ACLY: variants seen among roughly 807,000 people sequenced by gnomAD.
The protein encoded by ACLY is ATP citrate lyase.
A neutral mutation model predicts 133.0 loss-of-function variants in ACLY; 41 were observed. The ratio of observed to expected loss-of-function variants is 0.31; its 90% confidence interval spans 0.24 to 0.40. ACLY has a LOEUF of 0.40. Ranked by LOEUF, ACLY falls within the 10% of genes least tolerant of loss-of-function variation. The probability of loss-of-function intolerance (pLI) is 1.00; values close to 1 mark genes in which losing one functional copy is unlikely to be tolerated. For synonymous variants in ACLY, 495 were observed against 549.3 expected (o/e 0.90, Z 1.38); for missense variants, 1,046 against 1,453.8 (o/e 0.72, Z 4.56).
At chr17:41,921,217 G>A (rs2050178293), upstream of ACLY, among the ~76,000 whole-genome samples, 1 of 152,066 alleles carries the variant, frequency 6.6e-6, no homozygotes, top group Non-Finnish European at 1.5e-5. Context: ...AGAATTGCTT[G>A]AACCCAGGAG....
chr17:41,886,104 CTGAT>C lies in ACLY; in HGVS notation c.2072+4_2072+7del. On this transcript the variant is annotated splice_donor_5th_base_variant and intron_variant, in intron 18 of 28. Transcript: ENST00000352035. ...AGGAAGCCCCTCCTTGGCTTCCCAG[CTGAT>C]TACCTGTCCCCACCAATGGCCACGC... is the stretch of plus-strand genomic sequence containing the variant. 6.2e-7 allele frequency: 1 copy of C among 1,607,786 alleles called. No homozygotes were observed. Among genetic ancestry groups the C allele is most frequent in the Non-Finnish European group, 8.5e-7 (1 of 1,174,992 alleles).
At position 41,871,761 on chromosome 17, in the gene ACLY, G is replaced by A. The variant is rs2048603773; in HGVS notation, c.2865C>T (p.Ile955=). 3 of 1,614,060 alleles carry A rather than the reference G, an allele frequency of 1.9e-6. No homozygotes were observed. The highest frequency in any genetic ancestry group is 2.5e-6 in the Non-Finnish European group (3 of 1,179,952). The change falls in exon 25 of 29, where the codon ATC becomes ATT. Residue 955 remains isoleucine (I), a synonymous_variant. Coordinates refer to ENST00000352035, the MANE Select transcript of ACLY (RefSeq NM_001096.3). The stretch of plus-strand genomic sequence containing the variant: ...TCATCTTGTTCACAAACTCCATGGG[G>A]ATAATGCCACTGTCAAAGGCTTTAC... The part of the protein sequence containing the change: ...MFSKAFDSGI[I]PMEFVNKMKK...
chr17:41,895,400 C>A (rs1443591167), intron 14 of ACLY, among the ~76,000 whole-genome samples: 1 of 152,136 alleles, frequency 6.6e-6, no homozygotes, highest in Non-Finnish European at 1.5e-5. Context: ...TAAAGTGGCC[C>A]TTCCTCAAGC....
At chr17:41,886,334 G>T (rs782280854) in intron 17 of ACLY, 26 bp from the exon 18 acceptor site, 11 of 1,577,018 alleles carry the variant, frequency 7.0e-6, no homozygotes, top group Non-Finnish European at 9.5e-6. Flanking sequence ...CCACAATCAG[G>T]GAGGAAGGTG....
At chr17:41,878,764 G>T (rs781784355) in intron 21 of ACLY, 33 bp downstream of exon 21, 51 of 1,612,094 alleles carry the variant, frequency 3.2e-5, no homozygotes, top group Non-Finnish European at 4.2e-5. Context: ...GGAAAGGAGG[G>T]GGAGGCCGGC....
chr17:41,905,706 G>T lies in ACLY; in HGVS notation c.867-48C>A, dbSNP rs1429784751. ...TGATGGCTCTCACACTTGGGGCAGG[G>T]AGTGGCAGCCTGGTGCCTGGGAGGA... On this transcript the variant is annotated intron_variant, in intron 8 of 28. Coordinates refer to ENST00000352035, the MANE Select transcript of ACLY (RefSeq NM_001096.3). 8 of 1,612,770 alleles carry T rather than the reference G, an allele frequency of 5.0e-6. No individual in the cohort carries two copies. In the African/African-American group the frequency reaches 5.3e-5, roughly 11 times the overall value.
intron 20 of ACLY, among the ~76,000 whole-genome samples, chr17:41,881,886 A>G (rs2048926639): frequency 6.6e-6 from 1 of 152,184 alleles, no homozygotes; most frequent in South Asian, 2.1e-4. Context: ...TAAAACCCAC[A>G]TACACACACA....
intron 14 of ACLY, among the ~76,000 whole-genome samples, chr17:41,895,027 C>A (rs2049326804): frequency 6.6e-6 from 1 of 152,154 alleles, no homozygotes; most frequent in Non-Finnish European, 1.5e-5. Context: ...TCACCTAGAC[C>A]CCCCGGGTTC....
chr17:41,871,905 GT>G, intron 24 of ACLY, 73 bp from the exon 25 acceptor site: 1 of 1,600,914 alleles, frequency 6.2e-7, no homozygotes, highest in South Asian at 1.1e-5. Context: ...AACCCAGTGT[GT>G]CCCGAACGGC....
upstream of ACLY, among the ~76,000 whole-genome samples, chr17:41,922,587 T>A (rs2144455613): frequency 6.6e-6 from 1 of 152,324 alleles, no homozygotes; most frequent in South Asian, 2.1e-4. Context: ...TGCCCTTTGG[T>A]CCAGTAATTC....
At chr17:41,909,125 C>T in intron 5 of ACLY, 57 bp from the exon 6 acceptor site, 1 of 1,344,264 alleles carries the variant, frequency 7.4e-7, no homozygotes, top group Non-Finnish European at 1.1e-6. Context: ...CTCGGCAGCA[C>T]CCCAGGCGCC....
chr17:41,884,496 G>C (rs917264000), intron 18 of ACLY, among the ~76,000 whole-genome samples: 2 of 152,198 alleles, frequency 1.3e-5, no homozygotes, highest in Non-Finnish European at 2.9e-5. Flanking sequence ...AACTTGCAAA[G>C]GAAAAGACTG....
intron 10 of ACLY, chr17:41,904,460 G>A: frequency 2.1e-6 from 1 of 485,660 alleles, no homozygotes; most frequent in Non-Finnish European, 3.7e-6. Flanking sequence ...TCCTGAGAAG[G>A]AAGAAAGCAG....
chr17:41,919,089 C>A, upstream of ACLY: 1 of 1,212,368 alleles, frequency 8.2e-7, no homozygotes, highest in Non-Finnish European at 1.0e-6. Flanking sequence ...CCTCCCAATT[C>A]GCTGCTGGCT....
chr17:41,869,507 A>G lies in ACLY; in HGVS notation c.3018T>C (p.Tyr1006=), dbSNP rs1479876683. The G allele has an allele frequency of 3.7e-6, 6 of 1,614,022 alleles. No homozygotes were observed. In the Admixed American group the frequency reaches 8.3e-5, roughly 22 times the overall value. The part of the protein sequence containing the change: ...QHFPATPLLD[Y]ALEVEKITTS... ...TGGTAATCTTCTCTACTTCCAGTGC[A>G]TAATCGAGCAGAGGAGTGGCAGGGA... The change falls in exon 26 of 29, where the codon TAT becomes TAC. Residue 1006 remains tyrosine, a synonymous_variant. Coordinates refer to ENST00000352035, the MANE Select transcript of ACLY (RefSeq NM_001096.3).
At chr17:41,924,617 C>G (rs1360488012) in intron 1 of ACLY, among the ~76,000 whole-genome samples, 1 of 152,160 alleles carries the variant, frequency 6.6e-6, no homozygotes, top group African/African-American at 2.4e-5. Flanking sequence ...CCAGTACTGA[C>G]AAACCTTCCA....
At position 41,909,036 on chromosome 17, in the gene ACLY, T is replaced by A; in HGVS notation, c.569A>T (p.Asn190Ile). The A allele has an allele frequency of 6.2e-7, 1 of 1,613,012 alleles. No individual in the cohort carries two copies. The highest frequency in any genetic ancestry group is 8.5e-7 in the Non-Finnish European group (1 of 1,179,846). Residue 190 changes from asparagine to isoleucine, a missense_variant, in exon 6 of 29, where the codon AAT becomes ATT. Around this residue, in one of 4 missense-constraint regions of ACLY, gnomAD observed 227 missense variants for 245.6 expected, o/e 0.92. Coordinates refer to ENST00000352035, the MANE Select transcript of ACLY (RefSeq NM_001096.3). ...ILASFISGLF[N>I]FYEDLYFTYL... ...GGTGAAGTACAAGTCCTCGTAGAAA[T>A]TGAAGAGGCCGGAGATAAAACTGGC...
At chr17:41,867,964 G>T in intron 28 of ACLY, 60 bp from the exon 29 acceptor site, 1 of 1,223,994 alleles carries the variant, frequency 8.2e-7, no homozygotes, top group Non-Finnish European at 1.2e-6. Flanking sequence ...GAGAGGAAGA[G>T]GCTAAGGAAG....
At chr17:41,905,766 T>A in intron 8 of ACLY, 108 bp from the exon 9 acceptor site, 1 of 1,384,210 alleles carries the variant, frequency 7.2e-7, no homozygotes. Flanking sequence ...AGTTAGCCTG[T>A]GGAACCGGCC....
Sources: allele counts gnomAD v4.1 joint callset (sites outside exome capture counted in the v4.1 genomes callset), GRCh38; gene constraint gnomAD v4.1.1; regional missense constraint gnomAD v4.1.1; transcripts MANE v1.5; gene names NCBI Gene and HGNC (gene_info 2026-07-23, HGNC 2026-07-21).